The following SVIL variants were observed in gnomAD, a reference collection of about 807,000 sequenced individuals.
The protein encoded by SVIL is supervillin.
SVIL carries 101 observed loss-of-function variants against 240.4 expected under a neutral mutation model. That is an observed-to-expected ratio of 0.42 (90% CI 0.36 to 0.50). The LOEUF (loss-of-function observed/expected upper bound fraction) is 0.50. Ranked by LOEUF, SVIL falls within the 20% of genes least tolerant of loss-of-function variation. The probability of loss-of-function intolerance (pLI) is 0.01; values close to 1 mark genes in which losing one functional copy is unlikely to be tolerated. For synonymous variants in SVIL, 999 were observed against 1,100.0 expected (o/e 0.91, Z 1.82); for missense variants, 2,512 against 2,818.7 (o/e 0.89, Z 2.46).
At chr10:29,546,749 T>G (rs537766812) in intron 6 of SVIL, among the ~76,000 whole-genome samples, 1 of 152,308 alleles carries the variant, frequency 6.6e-6, no homozygotes, top group South Asian at 2.1e-4. Flanking sequence ...TTCATGAGTG[T>G]CATCGTATTC....
At chr10:29,601,976 C>G (rs1956828002) in intron 1 of SVIL, among the ~76,000 whole-genome samples, 1 of 152,092 alleles carries the variant, frequency 6.6e-6, no homozygotes, top group Admixed American at 6.6e-5. Flanking sequence ...TCTCTTTGTA[C>G]CAGTTCATTG....
At chr10:29,509,362 A>AG (rs1169737581) in intron 17 of SVIL, among the ~76,000 whole-genome samples, 3 of 130,748 alleles carry the variant, frequency 2.3e-5, no homozygotes, top group Non-Finnish European at 3.4e-5. Context: ...AGAGAGAGAG[A>AG]GAGAGAGAGA....
intron 3 of SVIL, among the ~76,000 whole-genome samples, chr10:29,557,306 C>G (rs1229624865): frequency 1.3e-5 from 2 of 152,080 alleles, no homozygotes. Context: ...CTATGTTATC[C>G]AGGATGGTCT....
At chr10:29,501,309 T>C (rs368650610) in intron 17 of SVIL, among the ~76,000 whole-genome samples, 72 of 151,436 alleles carry the variant, frequency 4.8e-4, no homozygotes, top group African/African-American at 1.6e-3. Flanking sequence ...GGCCACCATA[T>C]TGTGGTTATG....
intron 1 of SVIL, among the ~76,000 whole-genome samples, chr10:29,699,375 C>A (rs1962329525): frequency 6.6e-6 from 1 of 151,392 alleles, no homozygotes; most frequent in South Asian, 2.1e-4. Flanking sequence ...AATCTTGGCT[C>A]ACTGCAACCT....
chr10:29,671,305 C>A (rs186618144), intron 2 of SVIL, among the ~76,000 whole-genome samples: 21 of 152,300 alleles, frequency 1.4e-4, no homozygotes, highest in Non-Finnish European at 2.4e-4. Flanking sequence ...ATGCCTTCAA[C>A]AGCTTCCCAA....
intron 23 of SVIL, chr10:29,487,545 T>C (rs960137080): frequency 4.4e-6 from 2 of 452,076 alleles, no homozygotes; most frequent in Non-Finnish European, 7.9e-6. Flanking sequence ...ATCAGTGTCA[T>C]GTGCGTGGGT....
At position 29,533,805 on chromosome 10, in the gene SVIL, T is replaced by G. The variant is rs566179171; in HGVS notation, c.909-347A>C. On this transcript the variant is annotated intron_variant, in intron 7 of 37. Transcript: ENST00000355867. ...ACCACCAGCATGCATTAGGGCATAA[T>G]GAGCCTGGTCCCTTGAATCAGTAAG... Among the ~76,000 whole-genome samples the G allele has an allele frequency of 3.9e-5, 6 of 152,278 alleles. No homozygotes were observed. The South Asian group carries it at 1.2e-3, about 32-fold the overall frequency.
intron 1 of SVIL, among the ~76,000 whole-genome samples, chr10:29,722,970 C>G (rs111233378): frequency 6.6e-6 from 1 of 152,236 alleles, no homozygotes; most frequent in African/African-American, 2.4e-5. Context: ...TGTTGCTCAT[C>G]TGTGAAATGG....
chr10:29,683,089 A>C (rs936638590), intron 2 of SVIL, among the ~76,000 whole-genome samples: 2 of 152,206 alleles, frequency 1.3e-5, no homozygotes. Flanking sequence ...AGATTTGAGA[A>C]AGACATAAGA....
intron 36 of SVIL, 107 bp from the exon 37 acceptor site, chr10:29,458,696 G>T: frequency 8.1e-7 from 1 of 1,230,350 alleles, no homozygotes; most frequent in Non-Finnish European, 1.1e-6. Context: ...TACTGCCTGA[G>T]GATGCATAGT....
chr10:29,567,422 C>T (rs1054402724), intron 2 of SVIL, among the ~76,000 whole-genome samples: 16 of 152,206 alleles, frequency 1.1e-4, no homozygotes, highest in Non-Finnish European at 7.3e-5. Flanking sequence ...CTCATATTTT[C>T]GTCTCTTTTA....
intron 2 of SVIL, among the ~76,000 whole-genome samples, chr10:29,664,084 G>T (rs946250057): frequency 2.0e-5 from 3 of 152,086 alleles, no homozygotes; most frequent in Non-Finnish European, 4.4e-5. Context: ...GACAGCACAG[G>T]TTCTTAAAAG....
chr10:29,644,007 C>T (rs537001304), intron 3 of SVIL: 2 of 518,506 alleles, frequency 3.9e-6, no homozygotes, highest in Non-Finnish European at 7.7e-6. Flanking sequence ...ACACCAGGCT[C>T]AGAGTCTTGA....
intron 24 of SVIL, among the ~76,000 whole-genome samples, chr10:29,486,849 A>T (rs749740964): frequency 1.3e-5 from 2 of 152,220 alleles, no homozygotes; most frequent in Non-Finnish European, 2.9e-5. Flanking sequence ...CTCATTCAAC[A>T]GGTCTATGGC....
intron 12 of SVIL, among the ~76,000 whole-genome samples, chr10:29,527,342 A>G (rs1380809461): frequency 2.0e-5 from 3 of 152,350 alleles, no homozygotes; most frequent in African/African-American, 7.2e-5. Context: ...AAAAAAAATA[A>G]TAATTCAAAA....
chr10:29,524,438 C>A, intron 14 of SVIL, 34 bp downstream of exon 14: 3 of 1,611,026 alleles, frequency 1.9e-6, no homozygotes, highest in Non-Finnish European at 2.5e-6. Flanking sequence ...AGAACACACA[C>A]ACACAAACTG....
chr10:29,587,258 T>C (rs751867938), intron 1 of SVIL, among the ~76,000 whole-genome samples: 15 of 152,194 alleles, frequency 9.9e-5, no homozygotes, highest in Non-Finnish European at 2.2e-4. Flanking sequence ...CTATCATTAA[T>C]AGAACAGTAC....
In SVIL at chr10:29,735,645, T is replaced by G. The variant is rs528353892; in HGVS notation, c.-400+106A>C. On this transcript the variant is annotated intron_variant, in intron 1 of 35. Transcript: ENST00000375400. This position sits in a 1 kb window ranked among gnomAD's most constrained non-coding sequence, Gnocchi z 4.1. ...GGGCCTCCCGCAGCCAGAGCGAGAC[T>G]GACCCGCGCCTCCCGCCCCGGAGCA... is the stretch of plus-strand genomic sequence containing the variant. The G allele has an allele frequency of 3.3e-5, 5 of 151,720 alleles. No homozygotes were observed. Among genetic ancestry groups the G allele is most frequent in the African/African-American group, 1.2e-4 (5 of 41,434 alleles). 9.4% of individuals were successfully genotyped at this position (151,720 alleles called of 1,614,324 possible).
Sources: gnomAD v4.1 joint callset for allele counts (sites outside exome capture counted in the v4.1 genomes callset) on GRCh38, gnomAD v4.1.1 for gene constraint, Gnocchi (gnomAD v3.1) non-coding constraint, MANE v1.5 for transcripts, NCBI Gene and HGNC (gene_info 2026-07-23, HGNC 2026-07-21) for gene names.